The following TGFBRAP1 variants were observed in gnomAD, a reference collection of about 807,000 sequenced individuals.
The protein encoded by TGFBRAP1 is transforming growth factor-beta receptor-associated protein 1.
Under a neutral mutation model 83.2 loss-of-function variants are expected in TGFBRAP1, and 20 were observed. The observed-to-expected ratio is 0.24, with a 90% CI of 0.17 to 0.35. TGFBRAP1 has a LOEUF of 0.35. Ranked by LOEUF, TGFBRAP1 falls within the 10% of genes least tolerant of loss-of-function variation. The pLI is 1.00. For missense variants in TGFBRAP1, 950 were observed against 1,099.4 expected (o/e 0.86, Z 1.92); for synonymous variants, 415 against 459.8 (o/e 0.90, Z 1.25).
intron 1 of TGFBRAP1, among the ~76,000 whole-genome samples, chr2:105,316,979 C>T (rs188232026): frequency 6.6e-6 from 1 of 151,940 alleles, no homozygotes; most frequent in Admixed American, 6.6e-5. Flanking sequence ...CAACTGGGTG[C>T]CCAGAAACAG....
intron 4 of TGFBRAP1, among the ~76,000 whole-genome samples, chr2:105,295,213 T>G (rs1157729094): frequency 6.6e-6 from 1 of 152,244 alleles, no homozygotes; most frequent in Non-Finnish European, 1.5e-5. Flanking sequence ...ACAACCTGTC[T>G]TCTTTCATTT....
chr2:105,275,819 CT>C (rs1219932418), intron 7 of TGFBRAP1, 116 bp from the exon 8 acceptor site: 4 of 1,051,636 alleles, frequency 3.8e-6, no homozygotes, highest in Non-Finnish European at 5.1e-6. Context: ...TTTTTAATAC[CT>C]TTTAAAGTAG....
chr2:105,301,162 C>A, intron 2 of TGFBRAP1, among the ~76,000 whole-genome samples: 1 of 152,136 alleles, frequency 6.6e-6, no homozygotes, highest in South Asian at 2.1e-4. Flanking sequence ...GCGGAGGTTG[C>A]AGTGAACTGA....
chr2:105,306,068 GTTTTTTT>G (rs1553406584), intron 2 of TGFBRAP1, among the ~76,000 whole-genome samples: 2 of 118,662 alleles, frequency 1.7e-5, no homozygotes, highest in Non-Finnish European at 3.4e-5. Context: ...TTTGTTTTTT[GTTTTTTT>G]TTTTTTGAGA....
chr2:105,289,651 C>T (rs772005628), intron 4 of TGFBRAP1, among the ~76,000 whole-genome samples: 124 of 152,256 alleles, frequency 8.1e-4, no homozygotes, highest in Non-Finnish European at 2.4e-4. Flanking sequence ...TTCCTGGCTG[C>T]ACAGCGCTGC....
At chr2:105,319,441 C>G (rs1009647997) in intron 1 of TGFBRAP1, among the ~76,000 whole-genome samples, 2 of 149,654 alleles carry the variant, frequency 1.3e-5, no homozygotes, top group African/African-American at 4.9e-5. Context: ...CCTGTAATCC[C>G]AGCACTTTGG....
chr2:105,309,610 G>C (rs547014664), intron 1 of TGFBRAP1, among the ~76,000 whole-genome samples: 1 of 152,284 alleles, frequency 6.6e-6, no homozygotes, highest in African/African-American at 2.4e-5. Flanking sequence ...TGGGGGCAAT[G>C]ACAGCTACAC....
At chr2:105,277,162 A>G (rs72823845) in intron 7 of TGFBRAP1, among the ~76,000 whole-genome samples, 3,022 of 152,342 alleles carry the variant, frequency 0.02, 57 homozygotes, top group Non-Finnish European at 0.03. Flanking sequence ...CCACGGACAC[A>G]TGGCCTCGGG....
intron 1 of TGFBRAP1, among the ~76,000 whole-genome samples, chr2:105,323,001 A>G (rs1455330404): frequency 6.6e-6 from 1 of 152,170 alleles, no homozygotes; most frequent in Non-Finnish European, 1.5e-5. Flanking sequence ...TAATTAGGAG[A>G]GAAAGCTAAA....
chr2:105,285,287 C>T (rs1038500490), intron 4 of TGFBRAP1, among the ~76,000 whole-genome samples: 3 of 152,220 alleles, frequency 2.0e-5, no homozygotes, highest in Admixed American at 2.0e-4. Context: ...ACGGCAAATA[C>T]ATCACTCACC....
intron 2 of TGFBRAP1, among the ~76,000 whole-genome samples, chr2:105,304,675 C>T (rs937582339): frequency 2.0e-5 from 3 of 152,110 alleles, no homozygotes; most frequent in Admixed American, 6.5e-5. Flanking sequence ...CCCAGCTACT[C>T]GGGAGGTTAA....
chr2:105,287,174 G>C (rs2104350828), intron 4 of TGFBRAP1, among the ~76,000 whole-genome samples: 1 of 152,030 alleles, frequency 6.6e-6, no homozygotes, highest in East Asian at 2.0e-4. Context: ...AAGCAGAATG[G>C]GGGCTGCCAA....
chr2:105,273,817 T>C, intron 8 of TGFBRAP1, 127 bp from the exon 9 acceptor site: 1 of 1,171,102 alleles, frequency 8.5e-7, no homozygotes, highest in Non-Finnish European at 1.2e-6. Context: ...AATTATTATG[T>C]ATGCACAGCT....
At chr2:105,275,749 A>C in intron 7 of TGFBRAP1, 46 bp from the exon 8 acceptor site, 6 of 1,573,120 alleles carry the variant, frequency 3.8e-6, no homozygotes, top group Non-Finnish European at 5.2e-6. Flanking sequence ...AAGAAAAAAC[A>C]ATCATAAAGG....
intron 2 of TGFBRAP1, 78 bp from the exon 3 acceptor site, chr2:105,298,783 G>A: frequency 7.2e-7 from 1 of 1,389,722 alleles, no homozygotes; most frequent in Non-Finnish European, 9.6e-7. Context: ...TCTGGATGCA[G>A]ACCGACCCCT....
At chr2:105,262,255 G>A (rs1301806022), downstream of TGFBRAP1, among the ~76,000 whole-genome samples, 1 of 152,140 alleles carries the variant, frequency 6.6e-6, no homozygotes, top group African/African-American at 2.4e-5. Context: ...GGGAGGTATT[G>A]GAACCCGGGG....
At chr2:105,291,127 G>A (rs1677898260) in intron 4 of TGFBRAP1, among the ~76,000 whole-genome samples, 1 of 152,176 alleles carries the variant, frequency 6.6e-6, no homozygotes, top group Non-Finnish European at 1.5e-5. Context: ...ATTCCCCTGA[G>A]GGTATTAGGA....
Position 105,273,029 on chromosome 2 carries a change from G to T in TGFBRAP1, c.1813-15C>A, listed in dbSNP as rs1677215008. Reference sequence around the variant, plus strand: ...TACTCTTCTTTCTGCAGGAAACAGGGGGAGCCAAGCAGACAGACAGTGTTT... The same window carrying T: ...TACTCTTCTTTCTGCAGGAAACAGGTGGAGCCAAGCAGACAGACAGTGTTT... On this transcript the variant is annotated splice_polypyrimidine_tract_variant and intron_variant, in intron 9 of 11. Transcript: ENST00000393359. The T allele has an allele frequency of 2.5e-6, 4 of 1,606,816 alleles. No homozygotes were observed. The South Asian group carries it at 4.4e-5, about 18-fold the overall frequency.
chr2:105,270,152 C>T (rs1477720299), intron 10 of TGFBRAP1, among the ~76,000 whole-genome samples: 1 of 152,190 alleles, frequency 6.6e-6, no homozygotes, highest in African/African-American at 2.4e-5. Flanking sequence ...AAAAGATGTG[C>T]TGAACCCCTT....
Sources: gnomAD v4.1 joint callset for allele counts (sites outside exome capture counted in the v4.1 genomes callset) on GRCh38, gnomAD v4.1.1 for gene constraint, MANE v1.5 for transcripts, NCBI Gene and HGNC (gene_info 2026-07-23, HGNC 2026-07-21) for gene names.